The following CBFA2T3 variants were observed in gnomAD, a reference collection of about 807,000 sequenced individuals.
CBFA2T3 encodes the protein transcriptional corepressor CBFA2T3.
Under a neutral mutation model 58.6 loss-of-function variants are expected in CBFA2T3, and 31 were observed. The observed-to-expected ratio is 0.53, with a 90% CI of 0.40 to 0.71. The LOEUF is 0.71. Ranked by LOEUF, CBFA2T3 falls within the 30% of genes least tolerant of loss-of-function variation. The pLI, the probability that CBFA2T3 is intolerant of heterozygous loss-of-function variation, is 0.00. For missense variants in CBFA2T3, 1,076 were observed against 963.1 expected, an observed-to-expected ratio of 1.12 and a Z score of -1.55; for synonymous variants, 531 against 421.9, an observed-to-expected ratio of 1.26 and a Z score of -3.17.
chr16:88,957,962 TG>T (rs1341099711), intron 1 of CBFA2T3, among the ~76,000 whole-genome samples: 1 of 152,222 alleles, frequency 6.6e-6, no homozygotes, highest in Admixed American at 6.5e-5. Flanking sequence ...CACTGACTTG[TG>T]TACTTGAGAT....
intron 1 of CBFA2T3, among the ~76,000 whole-genome samples, chr16:88,928,954 G>A (rs760107107): frequency 6.6e-6 from 1 of 152,198 alleles, no homozygotes. Context: ...GCAGCAAGGC[G>A]GAGCAGAGTG....
chr16:88,884,914 G>T, intron 7 of CBFA2T3, 132 bp downstream of exon 7: 1 of 659,600 alleles, frequency 1.5e-6, no homozygotes, highest in Non-Finnish European at 2.5e-6. Flanking sequence ...CCAGGCAGGG[G>T]GAAGGGGTCT....
intron 1 of CBFA2T3, among the ~76,000 whole-genome samples, chr16:88,906,157 G>T (rs1970325285): frequency 6.6e-6 from 1 of 151,972 alleles, no homozygotes. Context: ...GGAGTCTCTG[G>T]AGCTCCCACC....
Position 88,901,602 on chromosome 16 carries a change from A to G in CBFA2T3, c.206T>C (p.Val69Ala). Residue 69 changes from valine to alanine, a missense_variant, in exon 2 of 12, where the codon GTG becomes GCG. By Grantham distance (64) the Val-to-Ala change is moderately conservative. Coordinates refer to ENST00000268679, the MANE Select transcript of CBFA2T3 (RefSeq NM_005187.6). The stretch of plus-strand genomic sequence containing the variant: ...GGGTGTGGACCGGGGCTGCGTCTTC[A>G]CCTCCGCTGGGGAGTCCGGCATCGC... The part of the protein sequence containing the change: ...ASAMPDSPAE[V>A]KTQPRSTPPS... 6.6e-7 allele frequency: 1 copy of G among 1,518,412 alleles called. No homozygotes were observed. The highest frequency in any genetic ancestry group is 8.7e-7 in the Non-Finnish European group (1 of 1,146,578). The allele number at this position is 1,518,412 out of a possible 1,614,324, so 94.1% of individuals were successfully genotyped here.
chr16:88,890,366 T>C lies in CBFA2T3; in HGVS notation c.711+1516A>G, dbSNP rs549040975. Among the ~76,000 whole-genome samples the C allele has an allele frequency of 2.0e-5, 3 of 152,202 alleles. No homozygotes were observed. In the South Asian group the frequency reaches 6.2e-4, roughly 32 times the overall value. ...AGGCTCGGGCTCAAGCCAGGGAGCA[T>C]CTGGTCTGGTCTGTCCTCTGGACCC... On this transcript the variant is annotated intron_variant, in intron 5 of 11. Coordinates refer to ENST00000268679, the MANE Select transcript of CBFA2T3 (RefSeq NM_005187.6).
intron 2 of CBFA2T3, 93 bp from the exon 3 acceptor site, chr16:88,898,245 T>G (rs1051532822): frequency 1.0e-6 from 1 of 965,912 alleles, no homozygotes; most frequent in African/African-American, 1.6e-5. Context: ...TTCCTACTTC[T>G]CAGAGTGATT....
chr16:88,964,936 CCATCCATCCATCCAT>C (rs1335540543), intron 1 of CBFA2T3, among the ~76,000 whole-genome samples: 2 of 151,236 alleles, frequency 1.3e-5, no homozygotes, highest in African/African-American at 4.9e-5. Flanking sequence ...ATCCATCCAT[CCATCCATCCATCCAT>C]CTATCCATCT....
At chr16:88,896,202 C>T (rs146705514) in intron 3 of CBFA2T3, among the ~76,000 whole-genome samples, 1,814 of 152,270 alleles carry the variant, frequency 0.012, 31 homozygotes, top group African/African-American at 0.042. Context: ...TGAGTGCACG[C>T]GTGGCCTCAG....
intron 1 of CBFA2T3, among the ~76,000 whole-genome samples, 191 bp from the exon 2 acceptor site, chr16:88,901,847 C>T (rs539725977): frequency 3.3e-5 from 5 of 152,258 alleles, no homozygotes; most frequent in South Asian, 4.1e-4. Flanking sequence ...GGCCGGAGGA[C>T]GGGCTTGGGC....
In CBFA2T3 at chr16:88,881,731, G is replaced by A. The variant is rs117071753; in HGVS notation, c.1204-242C>T. On this transcript the variant is annotated intron_variant, in intron 8 of 11. Coordinates refer to ENST00000268679, the MANE Select transcript of CBFA2T3 (RefSeq NM_005187.6). Reference sequence around the variant, plus strand: ...GACACGTGCCTAGACGCACGCAGGAGTTTGGGATTCTCCTTTTTAACCCGC... The same window carrying A: ...GACACGTGCCTAGACGCACGCAGGAATTTGGGATTCTCCTTTTTAACCCGC... 2.9e-3 allele frequency: 1,383 copies of A among 474,896 alleles called. 5 individuals are homozygous for A. Among genetic ancestry groups the A allele is most frequent in the Middle Eastern group, 0.013 (24 of 1,830 alleles). The allele number at this position is 474,896 out of a possible 1,614,324, so 29.4% of individuals were successfully genotyped here.
intron 1 of CBFA2T3, among the ~76,000 whole-genome samples, chr16:88,973,873 T>C (rs999998457): frequency 1.3e-5 from 2 of 151,776 alleles, no homozygotes; most frequent in African/African-American, 4.9e-5. Flanking sequence ...CCAGTCCCCA[T>C]AACATCTGCC....
At chr16:88,971,041 G>A (rs984562443) in intron 1 of CBFA2T3, among the ~76,000 whole-genome samples, 5 of 152,152 alleles carry the variant, frequency 3.3e-5, no homozygotes, top group African/African-American at 1.2e-4. Flanking sequence ...GACGCGGTGG[G>A]GTCGGGCCGG....
intron 9 of CBFA2T3, 182 bp from the exon 10 acceptor site, chr16:88,880,970 G>T: frequency 1.5e-6 from 1 of 675,190 alleles, no homozygotes; most frequent in Non-Finnish European, 2.6e-6. Flanking sequence ...GGGCACGGGG[G>T]GCATTGGAGC....
intron 8 of CBFA2T3, 89 bp downstream of exon 8, chr16:88,882,587 T>TGC (rs1969161998): frequency 2.4e-6 from 1 of 416,114 alleles, no homozygotes; most frequent in Admixed American, 5.0e-5. Context: ...CGTGGCTGTG[T>TGC]GTGCATGGCT....
intron 1 of CBFA2T3, among the ~76,000 whole-genome samples, chr16:88,965,720 C>T (rs918690149): frequency 2.1e-4 from 32 of 152,316 alleles, no homozygotes; most frequent in African/African-American, 7.5e-4. Context: ...TCTCTAGTGG[C>T]TCCTGGGCCA....
chr16:88,918,046 G>A (rs908967597), intron 1 of CBFA2T3, among the ~76,000 whole-genome samples: 2 of 152,124 alleles, frequency 1.3e-5, no homozygotes, highest in African/African-American at 4.8e-5. Context: ...TTGCCCTGGG[G>A]CTTCCCGCCA....
intron 1 of CBFA2T3, among the ~76,000 whole-genome samples, chr16:88,908,979 G>A (rs778692663): frequency 5.9e-5 from 9 of 151,984 alleles, no homozygotes; most frequent in Non-Finnish European, 1.0e-4. Context: ...CTCTGGATCC[G>A]ATCCTCTCCG....
chr16:88,944,503 G>A (rs1463136408), intron 1 of CBFA2T3, among the ~76,000 whole-genome samples: 2 of 152,144 alleles, frequency 1.3e-5, no homozygotes, highest in Admixed American at 6.5e-5. Flanking sequence ...CAGCGGGGCA[G>A]CCCCAGCTTT....
At chr16:88,964,722 T>C (rs1478083493) in intron 1 of CBFA2T3, among the ~76,000 whole-genome samples, 4 of 152,124 alleles carry the variant, frequency 2.6e-5, no homozygotes. Context: ...TATCTTCCCA[T>C]CCATCTATCC....
Sources: allele counts gnomAD v4.1 joint callset (sites outside exome capture counted in the v4.1 genomes callset), GRCh38; gene constraint gnomAD v4.1.1; transcripts MANE v1.5; gene names NCBI Gene and HGNC (gene_info 2026-07-23, HGNC 2026-07-21).